Variants in HS6ST3 observed in about 807,000 individuals in gnomAD.
HS6ST3 encodes heparan sulfate 6-O-sulfotransferase 3.
HS6ST3 carries 12 observed loss-of-function variants against 36.7 expected under a neutral mutation model. That is an observed-to-expected ratio of 0.33 (90% CI 0.21 to 0.53). The LOEUF is 0.53. Among genes scored for constraint, HS6ST3 ranks in the 20% least tolerant of loss-of-function variants. The pLI is 0.95. For missense variants in HS6ST3, 584 were observed against 640.9 expected (o/e 0.91, Z 0.96); for synonymous variants, 240 against 257.5 (o/e 0.93, Z 0.65).
At chr13:96,709,571 T>C (rs539375707) in intron 1 of HS6ST3, among the ~76,000 whole-genome samples, 2 of 152,234 alleles carry the variant, frequency 1.3e-5, no homozygotes, top group African/African-American at 4.8e-5. Flanking sequence ...ATAAACACCC[T>C]TGTAGGAAGA....
At chr13:96,332,152 C>A (rs553215913) in intron 1 of HS6ST3, among the ~76,000 whole-genome samples, 2 of 152,340 alleles carry the variant, frequency 1.3e-5, no homozygotes, top group South Asian at 2.1e-4. Context: ...CTGTGTCGCT[C>A]GTGCTGGGAG....
chr13:96,421,738 A>G (rs1333605683), intron 1 of HS6ST3, among the ~76,000 whole-genome samples: 1 of 151,568 alleles, frequency 6.6e-6, no homozygotes, highest in Non-Finnish European at 1.5e-5. Context: ...CCATGTTTCC[A>G]TAGTATTTTG....
At chr13:96,788,383 A>G (rs17770292) in intron 1 of HS6ST3, among the ~76,000 whole-genome samples, 20,746 of 151,812 alleles carry the variant, frequency 0.14, 1,895 homozygotes, top group Non-Finnish European at 0.19. Flanking sequence ...TATCTTAACT[A>G]TATCTTAACT....
intron 1 of HS6ST3, among the ~76,000 whole-genome samples, chr13:96,689,247 A>C (rs1874869981): frequency 6.6e-6 from 1 of 152,052 alleles, no homozygotes; most frequent in Non-Finnish European, 1.5e-5. Flanking sequence ...ACTACTCCCA[A>C]GCCTCATTAG....
chr13:96,132,549 G>A (rs1365342294), intron 1 of HS6ST3, among the ~76,000 whole-genome samples: 2 of 152,042 alleles, frequency 1.3e-5, no homozygotes, highest in African/African-American at 4.8e-5. Flanking sequence ...GGGACCACAG[G>A]CGTATGCCAC....
rs1463585976 is a variant in HS6ST3 at position 96,117,514 on chromosome 13, A to G, written c.707+25945A>G. On this transcript the variant is annotated intron_variant, in intron 1 of 1. Coordinates refer to ENST00000376705, the MANE Select transcript of HS6ST3 (RefSeq NM_153456.4). The stretch of plus-strand genomic sequence containing the variant: ...TTGAGGTGGAAAACAAATATCAAGA[A>G]TCAGAAAGAGATAAGATTGAATGAT... Among the ~76,000 whole-genome samples, 5 of 152,196 alleles carry G rather than the reference A, an allele frequency of 3.3e-5. 1 individual carries two copies. Among genetic ancestry groups the G allele is most frequent in the Admixed American group, 2.6e-4 (4 of 15,276 alleles).
chr13:96,558,116 T>G (rs1047301113), intron 1 of HS6ST3, among the ~76,000 whole-genome samples: 1 of 152,230 alleles, frequency 6.6e-6, no homozygotes, highest in Non-Finnish European at 1.5e-5. Context: ...TTTGCTTTTT[T>G]ATCTCTATCT....
At chr13:96,149,490 T>C (rs967259503) in intron 1 of HS6ST3, among the ~76,000 whole-genome samples, 2 of 152,166 alleles carry the variant, frequency 1.3e-5, no homozygotes, top group African/African-American at 4.8e-5. Context: ...ATAAGAATTA[T>C]AGATCCCTCT....
chr13:96,181,428 A>G (rs559169129), intron 1 of HS6ST3, among the ~76,000 whole-genome samples: 1 of 152,304 alleles, frequency 6.6e-6, no homozygotes, highest in South Asian at 2.1e-4. Flanking sequence ...GTAGTTAGCA[A>G]TGACTGGAAA....
intron 1 of HS6ST3, among the ~76,000 whole-genome samples, chr13:96,206,164 A>G (rs2054369265): frequency 6.6e-6 from 1 of 152,094 alleles, no homozygotes; most frequent in South Asian, 2.1e-4. Flanking sequence ...TCCTAACACC[A>G]ACAACAGGCA....
chr13:96,662,064 CTG>C (rs2056648168), intron 1 of HS6ST3, among the ~76,000 whole-genome samples: 1 of 152,120 alleles, frequency 6.6e-6, no homozygotes, highest in South Asian at 2.1e-4. Flanking sequence ...AGCCTGTTAA[CTG>C]TATGCCTTGG....
At chr13:96,764,385 G>A (rs192482961) in intron 1 of HS6ST3, among the ~76,000 whole-genome samples, 264 of 152,318 alleles carry the variant, frequency 1.7e-3, no homozygotes, top group Middle Eastern at 3.4e-3. Context: ...GCTTCCCAAA[G>A]CACCTGAAAC....
At chr13:96,820,280 G>A (rs1282377573) in intron 1 of HS6ST3, among the ~76,000 whole-genome samples, 1 of 152,048 alleles carries the variant, frequency 6.6e-6, no homozygotes, top group Non-Finnish European at 1.5e-5. Flanking sequence ...TTTGCTTTAG[G>A]TTGTTTTTTA....
intron 1 of HS6ST3, among the ~76,000 whole-genome samples, chr13:96,106,514 G>A (rs1342188722): frequency 2.6e-5 from 4 of 152,224 alleles, no homozygotes; most frequent in South Asian, 2.1e-4. Context: ...TTTACAGACA[G>A]CAGCCTTGTG....
intron 1 of HS6ST3, among the ~76,000 whole-genome samples, chr13:96,543,642 AT>A (rs1313529713): frequency 6.6e-6 from 1 of 152,112 alleles, no homozygotes; most frequent in Non-Finnish European, 1.5e-5. Flanking sequence ...AGCCAAGCCA[AT>A]TTCTTCACCT....
intron 1 of HS6ST3, among the ~76,000 whole-genome samples, chr13:96,274,462 G>A (rs574530719): frequency 9.2e-5 from 14 of 152,220 alleles, no homozygotes; most frequent in African/African-American, 3.1e-4. Context: ...AGAACCATAG[G>A]TAGTTACTCC....
intron 1 of HS6ST3, among the ~76,000 whole-genome samples, chr13:96,610,070 A>T (rs1444956249): frequency 6.6e-6 from 1 of 152,174 alleles, no homozygotes; most frequent in African/African-American, 2.4e-5. Flanking sequence ...AGATTCAAAC[A>T]TAGAGGCATG....
intron 1 of HS6ST3, among the ~76,000 whole-genome samples, chr13:96,293,843 A>G (rs1370080223): frequency 6.6e-6 from 1 of 152,122 alleles, no homozygotes; most frequent in African/African-American, 2.4e-5. Context: ...CTGATAAGCC[A>G]CATCATCTCA....
At chr13:96,118,277 G>A (rs370962620) in intron 1 of HS6ST3, among the ~76,000 whole-genome samples, 7 of 152,156 alleles carry the variant, frequency 4.6e-5, no homozygotes, top group African/African-American at 1.7e-4. Flanking sequence ...CTTATAAGAA[G>A]TAGAGATTAG....
Sources: gnomAD v4.1 joint callset for allele counts (sites outside exome capture counted in the v4.1 genomes callset) on GRCh38, gnomAD v4.1.1 for gene constraint, MANE v1.5 for transcripts, NCBI Gene and HGNC (gene_info 2026-07-23, HGNC 2026-07-21) for gene names.